SIL1: variants seen among roughly 807,000 people sequenced by gnomAD.
The protein encoded by SIL1 is SIL1 nucleotide exchange factor, also known as nucleotide exchange factor SIL1.
In SIL1, 40 loss-of-function variants were observed where a neutral mutation model predicts 49.1. The observed-to-expected ratio is 0.81, with a 90% confidence interval of 0.63 to 1.06. SIL1 has a LOEUF of 1.06. Among genes scored for constraint, SIL1 ranks in the 50% least tolerant of loss-of-function variants. The pLI, the probability that SIL1 is intolerant of heterozygous loss-of-function variation, is 0.00. For synonymous variants in SIL1, 253 were observed against 250.8 expected (o/e 1.01, Z -0.08); for missense variants, 500 against 572.6 (o/e 0.87, Z 1.29).
At chr5:139,030,844 A>C (rs1768774745) in intron 5 of SIL1, among the ~76,000 whole-genome samples, 1 of 152,154 alleles carries the variant, frequency 6.6e-6, no homozygotes, top group South Asian at 2.1e-4. Flanking sequence ...TGCTAAATAA[A>C]TATTACTATT....
chr5:139,038,682 G>A (rs1226697714), intron 5 of SIL1, among the ~76,000 whole-genome samples: 2 of 152,192 alleles, frequency 1.3e-5, no homozygotes, highest in Non-Finnish European at 2.9e-5. Flanking sequence ...ACTGGATGCT[G>A]GCCACTGGGA....
intron 7 of SIL1, among the ~76,000 whole-genome samples, chr5:138,976,218 G>C (rs1767390349): frequency 6.6e-6 from 1 of 151,986 alleles, no homozygotes; most frequent in South Asian, 2.1e-4. Flanking sequence ...TCTGCCTCCA[G>C]TCAGGATGAC....
chr5:139,089,855 T>A (rs1355289574), intron 3 of SIL1, among the ~76,000 whole-genome samples: 1 of 152,198 alleles, frequency 6.6e-6, no homozygotes, highest in Non-Finnish European at 1.5e-5. Flanking sequence ...TTTGAGGTGA[T>A]GAAAATGTTT....
chr5:139,165,114 C>T (rs565141635), intron 1 of SIL1, among the ~76,000 whole-genome samples: 1 of 152,114 alleles, frequency 6.6e-6, no homozygotes, highest in Admixed American at 6.6e-5. Flanking sequence ...CTTTTAGGTC[C>T]GATAAGAAAC....
chr5:138,997,511 GGTTT>G (rs1410651782), intron 7 of SIL1, among the ~76,000 whole-genome samples: 2 of 151,980 alleles, frequency 1.3e-5, no homozygotes, highest in African/African-American at 2.4e-5. Flanking sequence ...TTGTTTTGTT[GGTTT>G]GTTTGTTTTG....
At chr5:138,963,053 T>TTTATTA (rs1767057476) in intron 7 of SIL1, among the ~76,000 whole-genome samples, 1 of 152,218 alleles carries the variant, frequency 6.6e-6, no homozygotes, top group African/African-American at 2.4e-5. Context: ...TTTCACACAC[T>TTTATTA]GAGATTTATC....
intron 5 of SIL1, among the ~76,000 whole-genome samples, chr5:139,037,049 T>C (rs1768931526): frequency 1.3e-5 from 2 of 151,872 alleles, no homozygotes; most frequent in African/African-American, 4.9e-5. Context: ...TTCTTAATTT[T>C]CCTCTCTCTA....
intron 1 of SIL1, among the ~76,000 whole-genome samples, chr5:139,147,464 C>G (rs549591123): frequency 6.6e-6 from 1 of 152,322 alleles, no homozygotes; most frequent in African/African-American, 2.4e-5. Context: ...GTGTTCCTCT[C>G]AATTTCAGAG....
intron 1 of SIL1, among the ~76,000 whole-genome samples, chr5:139,194,277 A>G (rs1158755062): frequency 6.6e-6 from 1 of 152,168 alleles, no homozygotes; most frequent in East Asian, 1.9e-4. Context: ...GGTTCTCCAC[A>G]TGTGTCTGAG....
chr5:139,026,464 G>C (rs1198982230), intron 6 of SIL1, among the ~76,000 whole-genome samples: 2 of 152,102 alleles, frequency 1.3e-5, no homozygotes, highest in African/African-American at 4.8e-5. Context: ...TTAGCTGGGC[G>C]TGGTGGTGCA....
Position 138,992,210 on chromosome 5 carries a change from C to A in SIL1, c.767+28961G>T, listed in dbSNP as rs187021174. Among the ~76,000 whole-genome samples, 384 of 152,336 alleles carry A rather than the reference C, an allele frequency of 2.5e-3. 2 individuals carry two copies. The highest frequency in any genetic ancestry group is 4.4e-3 in the Non-Finnish European group (297 of 68,022). On this transcript the variant is annotated intron_variant, in intron 7 of 9. Transcript: ENST00000394817. The stretch of plus-strand genomic sequence containing the variant: ...ATCATTACCTATATCCTCCAGATAT[C>A]CAAGTCAAAAGCTTGTGTGAGTGAT...
intron 7 of SIL1, among the ~76,000 whole-genome samples, chr5:138,975,113 A>G (rs1384494621): frequency 6.6e-6 from 1 of 152,164 alleles, no homozygotes; most frequent in East Asian, 1.9e-4. Flanking sequence ...TTTTTAGTAT[A>G]ATACTGTCTA....
chr5:139,052,773 C>T (rs1199700378), intron 3 of SIL1, among the ~76,000 whole-genome samples: 1 of 152,068 alleles, frequency 6.6e-6, no homozygotes, highest in Non-Finnish European at 1.5e-5. Context: ...AAAAGCGAGT[C>T]CCAGACTAGG....
intron 1 of SIL1, among the ~76,000 whole-genome samples, chr5:139,132,712 C>T (rs4835715): frequency 0.02 from 3,072 of 152,268 alleles, 35 homozygotes; most frequent in Admixed American, 0.03. Context: ...CAGTGTTCTC[C>T]GTCCTTTTAA....
At chr5:139,150,237 G>A (rs1751270391) in intron 1 of SIL1, among the ~76,000 whole-genome samples, 1 of 152,048 alleles carries the variant, frequency 6.6e-6, no homozygotes, top group South Asian at 2.1e-4. Context: ...ATCTCTTCTG[G>A]GTGATATGCC....
At chr5:139,101,894 G>A (rs545976493) in intron 3 of SIL1, among the ~76,000 whole-genome samples, 1 of 152,274 alleles carries the variant, frequency 6.6e-6, no homozygotes, top group African/African-American at 2.4e-5. Context: ...AGAATCCAGG[G>A]ACCACATAGA....
intron 1 of SIL1, among the ~76,000 whole-genome samples, chr5:139,165,715 T>C (rs1751604399): frequency 6.6e-6 from 1 of 152,038 alleles, no homozygotes; most frequent in Non-Finnish European, 1.5e-5. Context: ...TGGAATACAG[T>C]GACACGATCT....
intron 5 of SIL1, among the ~76,000 whole-genome samples, chr5:139,036,242 G>C (rs1375385945): frequency 6.6e-6 from 1 of 152,158 alleles, no homozygotes; most frequent in African/African-American, 2.4e-5. Flanking sequence ...CCTATGTCCT[G>C]AATGGTATTG....
chr5:138,985,431 G>A (rs57692212), intron 7 of SIL1, among the ~76,000 whole-genome samples: 3,000 of 152,268 alleles, frequency 0.02, 102 homozygotes, highest in African/African-American at 0.068. Flanking sequence ...CCTGACTCAC[G>A]GCAGCTCAAA....
Sources: gnomAD v4.1 joint callset for allele counts (sites outside exome capture counted in the v4.1 genomes callset) on GRCh38, gnomAD v4.1.1 for gene constraint, MANE v1.5 for transcripts, NCBI Gene and HGNC (gene_info 2026-07-23, HGNC 2026-07-21) for gene names.